Variants in CDK14 observed in about 807,000 individuals in gnomAD.
CDK14 encodes cyclin dependent kinase 14, also known as cyclin-dependent kinase 14.
In CDK14, 34 loss-of-function variants were observed where a neutral mutation model predicts 60.7. The observed-to-expected ratio is 0.56, with a 90% CI of 0.43 to 0.75. The LOEUF (loss-of-function observed/expected upper bound fraction) is 0.75, where lower values mean the gene tolerates loss of function less well. Ranked by LOEUF, CDK14 falls within the 30% of genes least tolerant of loss-of-function variation. CDK14 has a pLI of 0.00. For missense variants in CDK14, 482 were observed against 564.1 expected (o/e 0.85, Z 1.47); for synonymous variants, 197 against 203.7 (o/e 0.97, Z 0.28).
At chr7:91,204,970 A>C (rs932208565) in intron 14 of CDK14, among the ~76,000 whole-genome samples, 1 of 152,026 alleles carries the variant, frequency 6.6e-6, no homozygotes, top group African/African-American at 2.4e-5. Context: ...GATGCCCAAC[A>C]TCATCGATCA....
intron 2 of CDK14, among the ~76,000 whole-genome samples, chr7:90,713,284 T>C (rs1000613956): frequency 1.3e-5 from 2 of 152,102 alleles, no homozygotes; most frequent in African/African-American, 4.8e-5. Flanking sequence ...TTGACAGTTC[T>C]TACACTGGGT....
At chr7:90,819,751 T>C (rs1037622052) in intron 5 of CDK14, among the ~76,000 whole-genome samples, 3 of 152,200 alleles carry the variant, frequency 2.0e-5, no homozygotes, top group African/African-American at 4.8e-5. Context: ...TAACATTTCC[T>C]TTTCTCTGGA....
chr7:90,753,330 A>G (rs1287826466), intron 4 of CDK14, among the ~76,000 whole-genome samples: 2 of 152,238 alleles, frequency 1.3e-5, no homozygotes, highest in Non-Finnish European at 2.9e-5. Context: ...AGGTTGGTTC[A>G]GAATTCACAA....
intron 10 of CDK14, among the ~76,000 whole-genome samples, chr7:91,019,371 AATAG>A (rs1272250527): frequency 2.0e-5 from 3 of 152,196 alleles, no homozygotes; most frequent in East Asian, 1.9e-4. Context: ...AATTACACCA[AATAG>A]ATCTAGCTTT....
chr7:90,878,626 A>G (rs1791640455), intron 6 of CDK14, among the ~76,000 whole-genome samples: 2 of 151,916 alleles, frequency 1.3e-5, no homozygotes, highest in Non-Finnish European at 1.5e-5. Flanking sequence ...TGGATTTGTT[A>G]TCTTTTAGAG....
chr7:90,682,613 CT>C (rs1409147720), intron 2 of CDK14, among the ~76,000 whole-genome samples: 1 of 152,134 alleles, frequency 6.6e-6, no homozygotes. Context: ...AGATACGATA[CT>C]TATTATCTTT....
At chr7:90,899,427 T>C in intron 7 of CDK14, 74 bp downstream of exon 7, 2 of 1,084,696 alleles carry the variant, frequency 1.8e-6, no homozygotes, top group Non-Finnish European at 2.6e-6. Flanking sequence ...CTAGCATCTC[T>C]ACCATAACAT....
At chr7:90,691,771 A>C (rs1219279070) in intron 2 of CDK14, among the ~76,000 whole-genome samples, 1 of 152,202 alleles carries the variant, frequency 6.6e-6, no homozygotes, top group African/African-American at 2.4e-5. Context: ...CGGTGGCTGC[A>C]CTGGAGACAT....
At position 90,835,532 on chromosome 7, in the gene CDK14, T is replaced by C. The variant is rs150860228; in HGVS notation, c.545-27643T>C. Reference sequence around the variant, plus strand: ...ACATGTAAGTCTCTGTGCAAGACAATGATAGTGAAAATCAAAGTGTGTTGT... The same window carrying C: ...ACATGTAAGTCTCTGTGCAAGACAACGATAGTGAAAATCAAAGTGTGTTGT... On this transcript the variant is annotated intron_variant, in intron 5 of 14. Transcript: ENST00000380050. Among the ~76,000 whole-genome samples the C allele has an allele frequency of 2.7e-3, 408 of 152,244 alleles. 2 individuals carry two copies. Among genetic ancestry groups the C allele is most frequent in the Non-Finnish European group, 4.5e-3 (303 of 68,002 alleles).
chr7:91,079,527 ATATTTAC>A (rs763594213), intron 12 of CDK14, 47 bp downstream of exon 12: 79 of 1,302,580 alleles, frequency 6.1e-5, no homozygotes, highest in Non-Finnish European at 8.3e-5. Context: ...TTCTCTTTTA[ATATTTAC>A]AACTCTTCTC....
chr7:90,709,769 G>A, intron 2 of CDK14: 2 of 1,397,986 alleles, frequency 1.4e-6, no homozygotes, highest in Non-Finnish European at 1.9e-6. Context: ...GGATTTCTGG[G>A]CTTTTTTTTT....
intron 3 of CDK14, among the ~76,000 whole-genome samples, chr7:90,744,665 C>T (rs1199259333): frequency 5.2e-4 from 76 of 145,314 alleles, no homozygotes; most frequent in African/African-American, 1.9e-3. Flanking sequence ...CCCTCCCGGA[C>T]GGGGCGGCTG....
intron 14 of CDK14, among the ~76,000 whole-genome samples, chr7:91,141,629 G>A (rs755591141): frequency 4.0e-5 from 6 of 151,724 alleles, no homozygotes; most frequent in Non-Finnish European, 8.8e-5. Flanking sequence ...AGAGAAATAA[G>A]TTACAGGTGC....
chr7:91,152,522 AT>A (rs1258264924), intron 14 of CDK14, among the ~76,000 whole-genome samples: 5 of 152,120 alleles, frequency 3.3e-5, no homozygotes, highest in African/African-American at 1.2e-4. Context: ...TGCTTCCAGA[AT>A]TTTCTTCAAA....
intron 4 of CDK14, among the ~76,000 whole-genome samples, chr7:90,782,545 A>G (rs918247078): frequency 2.0e-5 from 3 of 152,150 alleles, no homozygotes; most frequent in African/African-American, 4.8e-5. Context: ...TCTCTTTGAC[A>G]TGCCTCAGTC....
rs757212284 is a variant in CDK14, at chr7:91,019,686, A to G, written c.1042-26211A>G. Among the ~76,000 whole-genome samples the G allele has an allele frequency of 1.3e-5, 2 of 152,334 alleles. 1 individual carries two copies. The highest frequency in any genetic ancestry group is 4.1e-4 in the South Asian group (2 of 4,820). ...TTTTATCAAAATTATGATATTTGAT[A>G]TCATAAATCCTAAAAGCTGCTTTTA... On this transcript the variant is annotated intron_variant, in intron 10 of 14. Transcript: ENST00000380050.
At chr7:90,647,315 T>G (rs538856154) in intron 2 of CDK14, among the ~76,000 whole-genome samples, 1 of 152,232 alleles carries the variant, frequency 6.6e-6, no homozygotes, top group African/African-American at 2.4e-5. Context: ...TGTGACTGGT[T>G]CTTTGATTAT....
chr7:91,080,578 C>T (rs900115408), intron 12 of CDK14, among the ~76,000 whole-genome samples: 1 of 152,186 alleles, frequency 6.6e-6, no homozygotes. Context: ...GTGCATGCTC[C>T]TCTTCTCTGC....
intron 2 of CDK14, among the ~76,000 whole-genome samples, chr7:90,663,402 C>T (rs1800903946): frequency 6.6e-6 from 1 of 152,138 alleles, no homozygotes; most frequent in Non-Finnish European, 1.5e-5. Context: ...AGTCTTAGCA[C>T]AGTGAGCAGG....
Sources: allele counts gnomAD v4.1 joint callset (sites outside exome capture counted in the v4.1 genomes callset), GRCh38; gene constraint gnomAD v4.1.1; transcripts MANE v1.5; gene names NCBI Gene and HGNC (gene_info 2026-07-23, HGNC 2026-07-21).